The following DCLRE1C variants were observed in gnomAD, a reference collection of about 807,000 sequenced individuals.
The protein encoded by DCLRE1C is protein artemis.
A neutral mutation model predicts 61.4 loss-of-function variants in DCLRE1C; 47 were observed. That is an observed-to-expected ratio of 0.77 (90% confidence interval 0.61 to 0.98). The LOEUF is 0.98. Among genes scored for constraint, DCLRE1C ranks in the 50% least tolerant of loss-of-function variants. DCLRE1C has a pLI of 0.00. For synonymous variants in DCLRE1C, 337 were observed against 287.6 expected (o/e 1.17, Z -1.74); for missense variants, 858 against 816.0 (o/e 1.05, Z -0.63).
Position 14,908,809 on chromosome 10 carries a change from A to G in DCLRE1C, c.1678T>C (p.Leu560=). Residue 560 remains leucine, a synonymous_variant, in exon 14 of 14, where the codon TTA becomes CTA. Transcript: ENST00000378278. The part of the protein sequence containing the change: ...GWDSQSDTVL[L]SSQERNSGDI... ...CCACTGTTTCTCTCTTGGGAAGATA[A>G]CAAAACAGTATCAGATTGGCTGTCC... 1 of 1,614,184 alleles carries G rather than the reference A, an allele frequency of 6.2e-7. No homozygotes were observed. Among genetic ancestry groups the G allele is most frequent in the East Asian group, 2.2e-5 (1 of 44,880 alleles).
In DCLRE1C at chr10:14,909,103, CTTCTTCACTTTCACTGTTGGA is replaced by C. The variant is rs1834812856; in HGVS notation, c.1363_1383del (p.Ser455_Glu461del). On this transcript the variant is annotated inframe_deletion, in exon 14 of 14. Transcript: ENST00000378278. ...TGCAGTGAAGCTGGGATTCCTACTTCTTCTTCACTTTCACTGTTGGATTCTTCACAATCTACAAAGTTTGTG... is the reference window on the plus strand; with the variant it reads ...TGCAGTGAAGCTGGGATTCCTACTTCTTCTTCACAATCTACAAAGTTTGTG... The C allele has an allele frequency of 4.3e-6, 7 of 1,614,148 alleles. 1 individual carries two copies. In the East Asian group the frequency reaches 1.6e-4, roughly 36 times the overall value.
chr10:14,945,305 A>G (rs982779073), intron 2 of DCLRE1C, 116 bp from the exon 3 acceptor site: 3 of 1,407,360 alleles, frequency 2.1e-6, no homozygotes, highest in Non-Finnish European at 2.9e-6. Context: ...TCTGACCAAC[A>G]TGGTGAAACC....
rs140306936 is a variant in DCLRE1C at position 14,908,604 on chromosome 10, G to A, written c.1883C>T (p.Thr628Ile). 1.2e-6 allele frequency: 2 copies of A among 1,614,022 alleles called. No homozygotes were observed. Among genetic ancestry groups the A allele is most frequent in the African/African-American group, 1.3e-5 (1 of 74,926 alleles). Residue 628 changes from threonine (T) to isoleucine (I), a missense_variant, in exon 14 of 14, where the codon ACA (threonine) becomes ATA (isoleucine). This residue lies in a region of DCLRE1C where 843 missense variants were observed against 783.5 expected (regional missense o/e 1.08). Coordinates refer to ENST00000378278, the MANE Select transcript of DCLRE1C (RefSeq NM_001033855.3). ...CAAACTTTTTTCCTCGGGTATATGT[G>A]TCTCACTGCTTAGAGTAGTTGGTTC... ...TGEPTTLSSE[T>I]HIPEEKSLLN...
At position 14,906,523 on chromosome 10, in the gene DCLRE1C, A is replaced by T. The variant is rs925912108; in HGVS notation, c.*1885T>A. ...ACAACCACTTTCGATCATAAGGTAC[A>T]CTGTTAAAACTAAGTTTTAGTTAAC... On this transcript the variant is annotated 3_prime_UTR_variant, in exon 14 of 14. Coordinates refer to ENST00000378278, the MANE Select transcript of DCLRE1C (RefSeq NM_001033855.3). Among the ~76,000 whole-genome samples the T allele has an allele frequency of 6.6e-6, 1 of 152,252 alleles. No homozygotes were observed. The highest frequency in any genetic ancestry group is 6.5e-5 in the Admixed American group (1 of 15,292).
Position 14,937,160 on chromosome 10 carries a change from T to G in DCLRE1C, c.307-567A>C, listed in dbSNP as rs375074106. ...TGCCGGGGGTTGGGGAAGGAGAGAA[T>G]AGGGAGGGATTGCGATCGCTAAAGG... On this transcript the variant is annotated intron_variant, in intron 4 of 13. Transcript: ENST00000378278. Among the ~76,000 whole-genome samples, 39 of 151,872 alleles carry G rather than the reference T, an allele frequency of 2.6e-4. No individual in the cohort carries two copies. The East Asian group carries it at 5.4e-3, about 21-fold the overall frequency.
chr10:14,926,767 C>A, intron 11 of DCLRE1C, 76 bp downstream of exon 11: 4 of 1,169,826 alleles, frequency 3.4e-6, no homozygotes, highest in South Asian at 2.5e-5. Flanking sequence ...TTCTGAGAGT[C>A]AGGGGACTAC....
chr10:14,918,296 A>T (rs1836534554), intron 13 of DCLRE1C, among the ~76,000 whole-genome samples: 1 of 152,240 alleles, frequency 6.6e-6, no homozygotes, highest in Non-Finnish European at 1.5e-5. Context: ...CCTACTCCTT[A>T]TCAATAAAAG....
chr10:14,904,012 A>G (rs1440259265), downstream of DCLRE1C: 3 of 152,186 alleles, frequency 2.0e-5, no homozygotes, highest in Non-Finnish European at 2.9e-5. Context: ...AAAATTGCAG[A>G]ATGGGGGGCC....
chr10:14,949,078 T>C lies in DCLRE1C; in HGVS notation c.119A>G (p.Lys40Arg). 1.2e-6 allele frequency: 2 copies of C among 1,609,396 alleles called. No individual in the cohort carries two copies. The highest frequency in any genetic ancestry group is 4.5e-5 in the East Asian group (2 of 44,856). Reference protein sequence around the residue: ...FLSHCHKDHMKGLRAPTLKRR... With the variant: ...FLSHCHKDHMRGLRAPTLKRR... Reference sequence around the variant, plus strand: ...TTTCAAGGTAGGGGCTCTTAATCCTTTCATGTGATCTAAAAACAAAAGAAC... The same window carrying C: ...TTTCAAGGTAGGGGCTCTTAATCCTCTCATGTGATCTAAAAACAAAAGAAC... Residue 40 changes from lysine (K) to arginine (R), a missense_variant, in exon 2 of 14, where the codon AAA becomes AGA. Transcript: ENST00000378278.
At chr10:14,942,899 A>G (rs1841089755) in intron 3 of DCLRE1C, among the ~76,000 whole-genome samples, 1 of 152,096 alleles carries the variant, frequency 6.6e-6, no homozygotes, top group African/African-American at 2.4e-5. Flanking sequence ...CCGAGGCGGG[A>G]GGATCACCTG....
chr10:14,931,199 A>C (rs1838922111), intron 9 of DCLRE1C, among the ~76,000 whole-genome samples: 1 of 152,214 alleles, frequency 6.6e-6, no homozygotes, highest in African/African-American at 2.4e-5. Flanking sequence ...ATATTTTTTA[A>C]AGCAAATTCA....
At position 14,945,085 on chromosome 10, in the gene DCLRE1C, A is replaced by T; in HGVS notation, c.246+20T>A. ...CTTCCCACTTAAAAAAAATTAAGTT[A>T]TTAAAAAAATAAAACTTACAATTCG... On this transcript the variant is annotated intron_variant, in intron 3 of 13. Transcript: ENST00000378278. 1 of 1,584,312 alleles carries T rather than the reference A, an allele frequency of 6.3e-7. No individual in the cohort carries two copies. Among genetic ancestry groups the T allele is most frequent in the Non-Finnish European group, 8.6e-7 (1 of 1,161,762 alleles).
chr10:14,901,434 C>G (rs1259047523), downstream of DCLRE1C, among the ~76,000 whole-genome samples: 2 of 152,180 alleles, frequency 1.3e-5, no homozygotes, highest in Admixed American at 1.3e-4. Flanking sequence ...ATACTAGAAC[C>G]CAGGTCTGCC....
rs786205074 is a variant in DCLRE1C, at chr10:14,932,852, AC to A, written c.780+1del. The stretch of plus-strand genomic sequence containing the variant: ...TACGAGAGGAATCACTTGCACACGT[AC>A]CTTGGGATGCCGGCATGCATGGATC... On this transcript the variant is annotated splice_donor_variant, in intron 9 of 13. Coordinates refer to ENST00000378278, the MANE Select transcript of DCLRE1C (RefSeq NM_001033855.3). LOFTEE classifies it high-confidence loss of function. The A allele has an allele frequency of 1.2e-6, 2 of 1,614,118 alleles. No homozygotes were observed. The highest frequency in any genetic ancestry group is 1.7e-6 in the Non-Finnish European group (2 of 1,179,962).
At chr10:14,927,883 A>AATTTAAATTTT in intron 10 of DCLRE1C, 133 bp downstream of exon 10, 3 of 596,794 alleles carry the variant, frequency 5.0e-6, no homozygotes, top group Non-Finnish European at 4.6e-6. Context: ...ATTTAAATAA[A>AATTTAAATTTT]ATTTAAATTT....
intron 2 of DCLRE1C, among the ~76,000 whole-genome samples, chr10:14,946,112 G>A (rs1408163433): frequency 2.0e-5 from 3 of 151,584 alleles, no homozygotes; most frequent in Non-Finnish European, 4.4e-5. Flanking sequence ...GGGTTCAAGC[G>A]ATTCTCCTGT....
chr10:14,944,873 C>G lies in DCLRE1C; in HGVS notation c.246+232G>C, dbSNP rs771349778. Among the ~76,000 whole-genome samples the G allele has an allele frequency of 2.0e-5, 3 of 151,784 alleles. No homozygotes were observed. In the South Asian group the frequency reaches 6.2e-4, roughly 31 times the overall value. ...TATTTTTAGTAGAGACAGGGTTTTA[C>G]CATGTTGGCCAGGCTGGTCATGAAC... On this transcript the variant is annotated intron_variant, in intron 3 of 13. Transcript: ENST00000378278.
intron 9 of DCLRE1C, among the ~76,000 whole-genome samples, chr10:14,929,600 C>T (rs1173400119): frequency 1.3e-5 from 2 of 151,912 alleles, no homozygotes; most frequent in Non-Finnish European, 2.9e-5. Context: ...AATGATTGCA[C>T]CACTGCACTC....
intron 9 of DCLRE1C, among the ~76,000 whole-genome samples, chr10:14,929,974 C>G (rs899920854): frequency 1.3e-4 from 20 of 152,132 alleles, no homozygotes; most frequent in Admixed American, 3.9e-4. Flanking sequence ...GTAGCCCTGA[C>G]AGCAAAGGAA....
Sources: allele counts gnomAD v4.1 joint callset (sites outside exome capture counted in the v4.1 genomes callset), GRCh38; gene constraint gnomAD v4.1.1; regional missense constraint gnomAD v4.1.1; transcripts MANE v1.5; gene names NCBI Gene and HGNC (gene_info 2026-07-23, HGNC 2026-07-21).